The following CFAP47 variants were observed in gnomAD, a reference collection of about 807,000 sequenced individuals.
The protein encoded by CFAP47 is cilia and flagella associated protein 47.
Under a neutral mutation model 148.1 loss-of-function variants are expected in CFAP47, and 29 were observed. The observed-to-expected ratio is 0.20, with a 90% CI of 0.15 to 0.27. The LOEUF (loss-of-function observed/expected upper bound fraction) is 0.27, where lower values mean the gene tolerates loss of function less well. Among genes scored for constraint, CFAP47 ranks in the 10% least tolerant of loss-of-function variants. The pLI is 1.00. For missense variants in CFAP47, 1,872 were observed against 1,697.5 expected (o/e 1.10, Z -1.81); for synonymous variants, 664 against 577.3 (o/e 1.15, Z -2.15).
At chrX:36,242,830 C>A (rs1940562249) in intron 48 of CFAP47, among the ~76,000 whole-genome samples, 1 of 111,264 alleles carries the variant, frequency 9.0e-6, no homozygotes, top group Non-Finnish European at 1.9e-5. Flanking sequence ...ATACAGAGAA[C>A]CCTGGCTAGA....
At chrX:35,949,111 G>T (rs936350956) in intron 4 of CFAP47, among the ~76,000 whole-genome samples, 8 of 102,876 alleles carry the variant, frequency 7.8e-5, no homozygotes, top group Admixed American at 2.1e-4. Flanking sequence ...TTTAACAAAC[G>T]ACTTAAAAAT....
At chrX:36,220,651 G>T in intron 45 of CFAP47, among the ~76,000 whole-genome samples, 1 of 110,441 alleles carries the variant, frequency 9.1e-6, no homozygotes, top group South Asian at 3.8e-4. Flanking sequence ...CTCTACAAGT[G>T]ACCACCTAAG....
chrX:36,111,026 C>G (rs1938547121), intron 33 of CFAP47, among the ~76,000 whole-genome samples: 1 of 111,592 alleles, frequency 9.0e-6, no homozygotes, highest in Non-Finnish European at 1.9e-5. Flanking sequence ...GAGTTTTTTA[C>G]ATATAGAATC....
At chrX:36,235,713 C>T (rs1569296063) in intron 46 of CFAP47, among the ~76,000 whole-genome samples, 1 of 112,590 alleles carries the variant, frequency 8.9e-6, no homozygotes, top group East Asian at 2.8e-4. Flanking sequence ...TTCTGCATCG[C>T]TCACGCTAGG....
chrX:36,068,839 C>T (rs752142844), intron 27 of CFAP47, among the ~76,000 whole-genome samples: 147 of 107,969 alleles, frequency 1.4e-3, no homozygotes, highest in Admixed American at 2.4e-3. Context: ...GCCTGTAATC[C>T]GAGCTACTCG....
chrX:36,331,015 C>T (rs1421774695), intron 57 of CFAP47, among the ~76,000 whole-genome samples: 1 of 111,401 alleles, frequency 9.0e-6, no homozygotes, highest in Non-Finnish European at 1.9e-5. Context: ...ACTTCTCTTA[C>T]GAATCAAAAT....
rs1555991902 is a variant in CFAP47, at chrX:36,228,798, G to C, written c.6988G>C (p.Glu2330Gln). The change falls in exon 46 of 64, where the codon GAA becomes CAA. Residue 2330 changes from glutamate (E) to glutamine (Q), a missense_variant. Transcript: ENST00000378653. ...AKFEFETPAF[E>Q]ALTQNIPIKN... The stretch of plus-strand genomic sequence containing the variant: ...ATTTGAGTTTGAAACACCAGCATTT[G>C]AAGCCCTTACTCAGAATATTCCAAT... 2 of 524,490 alleles carry C rather than the reference G, an allele frequency of 3.8e-6. No individual in the cohort carries two copies. The highest frequency in any genetic ancestry group is 5.3e-5 in the Admixed American group (2 of 37,798). The allele number at this position is 524,490 out of a possible 1,213,427, so 43.2% of individuals were successfully genotyped here.
intron 15 of CFAP47, among the ~76,000 whole-genome samples, chrX:35,981,133 C>T (rs1355786276): frequency 1.8e-5 from 2 of 109,049 alleles, no homozygotes; most frequent in Non-Finnish European, 3.8e-5. Flanking sequence ...GTAAGAGTAA[C>T]AGTTCTATAA....
chrX:36,230,120 A>C (rs1448169821), intron 46 of CFAP47, among the ~76,000 whole-genome samples: 1 of 103,705 alleles, frequency 9.6e-6, no homozygotes, highest in Non-Finnish European at 2.0e-5. Context: ...CTTTGGGTAT[A>C]TACCCAGTAA....
rs1556003412 is a variant in CFAP47, at chrX:36,280,496, C to T, written c.7454C>T (p.Thr2485Ile). Residue 2485 changes from threonine (T) to isoleucine (I), a missense_variant, in exon 50 of 64, where the codon ACA becomes ATA. By Grantham distance (89) the Thr-to-Ile change is moderately conservative (BLOSUM62 -1). Transcript: ENST00000378653. ...WKRGILKGTI[T>I]FSTTRRCTTR... is the part of the protein sequence containing the mutation. ...TACTTATGTGTTGTAGGTACAATTA[C>T]ATTTTCTACTACAAGAAGATGTACT... 2 of 504,232 alleles carry T rather than the reference C, an allele frequency of 4.0e-6. No homozygotes were observed. Among genetic ancestry groups the T allele is most frequent in the South Asian group, 5.2e-5 (2 of 38,234 alleles). The allele number at this position is 504,232 out of a possible 1,213,427, so 41.6% of individuals were successfully genotyped here.
intron 51 of CFAP47, among the ~76,000 whole-genome samples, chrX:36,295,604 A>G (rs969411077): frequency 8.9e-6 from 1 of 112,306 alleles, no homozygotes; most frequent in Non-Finnish European, 1.9e-5. Context: ...AAAATGATGG[A>G]TAACATAAGT....
intron 36 of CFAP47, among the ~76,000 whole-genome samples, chrX:36,147,725 G>T (rs188071171): frequency 1.8e-5 from 2 of 111,984 alleles, no homozygotes; most frequent in East Asian, 5.7e-4. Context: ...TTGTTCTATT[G>T]GTTACCAAAG....
rs1936721003 is a variant in CFAP47, at chrX:35,986,751, A to G, written c.2714-2568A>G. On this transcript the variant is annotated intron_variant, in intron 15 of 63. Coordinates refer to ENST00000378653, the MANE Select transcript of CFAP47 (RefSeq NM_001304548.2). ...TTTTCTCATCTTCGTGGATTTATGT[A>G]CCTTTGGTTTTTGCCATTGGTGACC... Among the ~76,000 whole-genome samples, 6 of 110,762 alleles carry G rather than the reference A, an allele frequency of 5.4e-5. No homozygotes were observed. The Admixed American group carries it at 5.8e-4, about 11-fold the overall frequency.
intron 45 of CFAP47, among the ~76,000 whole-genome samples, chrX:36,210,684 T>G (rs1940090173): frequency 1.8e-5 from 2 of 112,171 alleles, no homozygotes; most frequent in South Asian, 7.4e-4. Flanking sequence ...TAGTATCCTT[T>G]GAAGCACAGG....
chrX:36,253,110 A>G (rs1940711954), intron 49 of CFAP47, among the ~76,000 whole-genome samples: 1 of 112,105 alleles, frequency 8.9e-6, no homozygotes, highest in Non-Finnish European at 1.9e-5. Flanking sequence ...TATTTTTACT[A>G]TTTTGATATG....
intron 48 of CFAP47, among the ~76,000 whole-genome samples, chrX:36,250,078 A>G (rs781929508): frequency 1.8e-5 from 2 of 111,833 alleles, no homozygotes; most frequent in African/African-American, 6.5e-5. Flanking sequence ...TATATTCAAA[A>G]GACTTGAAAT....
chrX:36,035,558 C>A, intron 23 of CFAP47, 137 bp from the exon 24 acceptor site: 1 of 272,416 alleles, frequency 3.7e-6, no homozygotes, highest in East Asian at 5.2e-5. Flanking sequence ...TGTCTAATAT[C>A]ATTTTAAAGC....
intron 7 of CFAP47, among the ~76,000 whole-genome samples, chrX:35,954,444 A>T (rs1387317190): frequency 9.0e-6 from 1 of 111,334 alleles, no homozygotes; most frequent in Admixed American, 9.6e-5. Flanking sequence ...GCAGGATTTA[A>T]CTGTATTCCT....
chrX:36,326,040 T>G (rs1347849156), intron 57 of CFAP47, among the ~76,000 whole-genome samples: 3 of 111,249 alleles, frequency 2.7e-5, no homozygotes, highest in Non-Finnish European at 1.9e-5. Flanking sequence ...AGCCATACAT[T>G]TTTTCATTGA....
Sources: allele counts gnomAD v4.1 joint callset (sites outside exome capture counted in the v4.1 genomes callset), GRCh38; gene constraint gnomAD v4.1.1; transcripts MANE v1.5; gene names NCBI Gene and HGNC (gene_info 2026-07-23, HGNC 2026-07-21).